SYNDIG1L: variants seen among roughly 807,000 people sequenced by gnomAD.
The protein encoded by SYNDIG1L is synapse differentiation inducing 1 like.
A neutral mutation model predicts 20.1 loss-of-function variants in SYNDIG1L; 13 were observed. The ratio of observed to expected loss-of-function variants is 0.65; its 90% CI spans 0.42 to 1.03. The LOEUF (loss-of-function observed/expected upper bound fraction) is 1.03, where lower values mean the gene tolerates loss of function less well. Ranked by LOEUF, SYNDIG1L falls within the 50% of genes least tolerant of loss-of-function variation. The pLI is 0.00. For missense variants in SYNDIG1L, 294 were observed against 305.1 expected (o/e 0.96, Z 0.27); for synonymous variants, 128 against 129.3 (o/e 0.99, Z 0.07).
At chr14:74,417,644 G>A (rs2086187096) in intron 1 of SYNDIG1L, among the ~76,000 whole-genome samples, 1 of 150,312 alleles carries the variant, frequency 6.7e-6, no homozygotes, top group Non-Finnish European at 1.5e-5. Context: ...AAACAGTGGA[G>A]AGACTGGATT....
At position 74,409,747 on chromosome 14, in the gene SYNDIG1L, T is replaced by G; in HGVS notation, c.-3A>C. 1 of 1,426,734 alleles carries G rather than the reference T, an allele frequency of 7.0e-7. No homozygotes were observed. The highest frequency in any genetic ancestry group is 9.2e-7 in the Non-Finnish European group (1 of 1,086,990). 88.4% of individuals were successfully genotyped at this position (1,426,734 alleles called of 1,614,324 possible). A position where few individuals can be genotyped will look rare whatever the true frequency, so the allele number is the denominator to read the frequency against. On this transcript the variant is annotated 5_prime_UTR_variant, in exon 2 of 4. Coordinates refer to ENST00000331628, the MANE Select transcript of SYNDIG1L (RefSeq NM_001105579.2). The stretch of plus-strand genomic sequence containing the variant: ...TGTAGTTCACTCAGACTCTCCATGG[T>G]TCTGGGGCAGCTGCTGGGGAGGGGG...
chr14:74,407,166 C>G lies in SYNDIG1L; in HGVS notation c.*369G>C, dbSNP rs1388770111. Reference sequence around the variant, plus strand: ...CCTTTTCTCCCTGTAACCTCCTGCTCTTTCTCTGTGGGGAGGTTGGCAGGG... The same window carrying G: ...CCTTTTCTCCCTGTAACCTCCTGCTGTTTCTCTGTGGGGAGGTTGGCAGGG... On this transcript the variant is annotated 3_prime_UTR_variant, in exon 4 of 4. Transcript: ENST00000331628. The G allele has an allele frequency of 3.5e-6, 1 of 285,236 alleles. No homozygotes were observed. The highest frequency in any genetic ancestry group is 6.7e-6 in the Non-Finnish European group (1 of 150,322). 17.7% of individuals were successfully genotyped at this position (285,236 alleles called of 1,614,324 possible). A position where few individuals can be genotyped will look rare whatever the true frequency, so the allele number is the denominator to read the frequency against.
At chr14:74,422,360 C>T (rs753645362) in intron 1 of SYNDIG1L, among the ~76,000 whole-genome samples, 7 of 152,044 alleles carry the variant, frequency 4.6e-5, no homozygotes, top group Non-Finnish European at 1.0e-4. Context: ...GGACCTTGCC[C>T]CATATGAGAT....
At chr14:74,437,085 T>A in the SYNDIG1L span, among the ~76,000 whole-genome samples, 3 of 152,196 alleles carry the variant, frequency 2.0e-5, no homozygotes, top group Non-Finnish European at 4.4e-5. Flanking sequence ...AGCTTATGCC[T>A]GACATAAGTA....
the SYNDIG1L span, among the ~76,000 whole-genome samples, chr14:74,472,823 G>T: frequency 6.6e-6 from 1 of 152,140 alleles, no homozygotes; most frequent in African/African-American, 2.4e-5. Flanking sequence ...CTGGAGGAAG[G>T]AAGTACAGCC....
At chr14:74,470,211 T>C in the SYNDIG1L span, among the ~76,000 whole-genome samples, 1 of 152,288 alleles carries the variant, frequency 6.6e-6, no homozygotes, top group East Asian at 1.9e-4. Context: ...GATTCTTGTT[T>C]TTTCACTCTG....
Position 74,407,009 on chromosome 14 carries a change from C to T in SYNDIG1L, c.*526G>A, listed in dbSNP as rs547807189. ...GAGGCCCCCTTGCCTCCACGTATTTCCTTCTTGGCCTGCTGAGGTCTGGGC... is the reference window on the plus strand; with the variant it reads ...GAGGCCCCCTTGCCTCCACGTATTTTCTTCTTGGCCTGCTGAGGTCTGGGC... On this transcript the variant is annotated 3_prime_UTR_variant, in exon 4 of 4. Transcript: ENST00000331628. 3 of 159,212 alleles carry T rather than the reference C, an allele frequency of 1.9e-5. No homozygotes were observed. Among genetic ancestry groups the T allele is most frequent in the African/African-American group, 7.2e-5 (3 of 41,588 alleles). 9.9% of individuals were successfully genotyped at this position (159,212 alleles called of 1,614,324 possible). A position where few individuals can be genotyped will look rare whatever the true frequency, so the allele number is the denominator to read the frequency against.
the SYNDIG1L span, among the ~76,000 whole-genome samples, chr14:74,440,528 A>C: frequency 6.7e-4 from 100 of 150,368 alleles, no homozygotes; most frequent in African/African-American, 2.4e-3. Context: ...AAAAAAAAAA[A>C]AAAAAAAATT....
At chr14:74,440,714 T>C in the SYNDIG1L span, among the ~76,000 whole-genome samples, 1 of 151,984 alleles carries the variant, frequency 6.6e-6, no homozygotes, top group Non-Finnish European at 1.5e-5. Context: ...TCTCTCAATA[T>C]CTAAACATAT....
At chr14:74,425,351 G>A (rs1457727435) in intron 1 of SYNDIG1L, among the ~76,000 whole-genome samples, 1 of 152,182 alleles carries the variant, frequency 6.6e-6, no homozygotes, top group East Asian at 1.9e-4. Flanking sequence ...AAAAAATTGA[G>A]GTATCTTCCA....
chr14:74,416,895 CA>C (rs768780511), intron 1 of SYNDIG1L, among the ~76,000 whole-genome samples: 19 of 152,174 alleles, frequency 1.2e-4, no homozygotes, highest in Non-Finnish European at 2.6e-4. Context: ...CATTTTACAG[CA>C]AAAGACACTG....
chr14:74,435,754 G>A, the SYNDIG1L span, among the ~76,000 whole-genome samples: 1 of 152,158 alleles, frequency 6.6e-6, no homozygotes. Flanking sequence ...AAATCTTCTT[G>A]GGAACATGTA....
the SYNDIG1L span, among the ~76,000 whole-genome samples, chr14:74,436,844 C>T: frequency 5.4e-4 from 65 of 119,342 alleles, 1 homozygote; most frequent in Admixed American, 1.9e-3. Flanking sequence ...GAGCGAAACT[C>T]GTCTCAAAAA....
chr14:74,436,227 A>AT, the SYNDIG1L span, among the ~76,000 whole-genome samples: 1,509 of 138,388 alleles, frequency 0.011, 13 homozygotes, highest in African/African-American at 0.026. Context: ...TACCCCACTC[A>AT]TTTTTTTTTT....
At position 74,407,824 on chromosome 14, in the gene SYNDIG1L, G is replaced by C. The variant is rs1329043513; in HGVS notation, c.558+25C>G. The C allele has an allele frequency of 2.5e-6, 4 of 1,601,670 alleles. No individual in the cohort carries two copies. In the South Asian group the frequency reaches 4.5e-5, roughly 18 times the overall value. On this transcript the variant is annotated intron_variant, in intron 3 of 3. Transcript: ENST00000331628. ...CCAGTAGAGTGACGGGCCAGAGAAG[G>C]GACCTGGGCCCCAGGTGCTCTTACC...
At chr14:74,428,375 T>C (rs1370699743), upstream of SYNDIG1L, among the ~76,000 whole-genome samples, 1 of 152,242 alleles carries the variant, frequency 6.6e-6, no homozygotes, top group Non-Finnish European at 1.5e-5. Flanking sequence ...TTTCCATTCT[T>C]TTTCCATTCT....
At chr14:74,408,446 C>T (rs1369422700) in intron 2 of SYNDIG1L, among the ~76,000 whole-genome samples, 2 of 152,056 alleles carry the variant, frequency 1.3e-5, no homozygotes, top group Non-Finnish European at 2.9e-5. Context: ...TGCCTATAAT[C>T]CCAGCTACTT....
chr14:74,442,706 C>T, the SYNDIG1L span, among the ~76,000 whole-genome samples: 31 of 152,162 alleles, frequency 2.0e-4, no homozygotes, highest in African/African-American at 6.7e-4. Context: ...GCCACTACTA[C>T]GGTTCAAATG....
At position 74,406,331 on chromosome 14, in the gene SYNDIG1L, C is replaced by T; in HGVS notation, c.*1204G>A. 1 of 362,142 alleles carries T rather than the reference C, an allele frequency of 2.8e-6. No homozygotes were observed. Among genetic ancestry groups the T allele is most frequent in the East Asian group, 4.0e-5 (1 of 24,780 alleles). 22.4% of individuals were successfully genotyped at this position (362,142 alleles called of 1,614,324 possible). On this transcript the variant is annotated 3_prime_UTR_variant, in exon 4 of 4. Transcript: ENST00000331628. The stretch of plus-strand genomic sequence containing the variant: ...TTGAGAGACAGGTGTGACGTTCCTC[C>T]TTGAGTTGGCAGAACCCTTAGGAAT...
Sources: allele counts gnomAD v4.1 joint callset (sites outside exome capture counted in the v4.1 genomes callset), GRCh38; gene constraint gnomAD v4.1.1; transcripts MANE v1.5; gene names NCBI Gene and HGNC (gene_info 2026-07-23, HGNC 2026-07-21).